ASAP3: variants seen among roughly 807,000 people sequenced by gnomAD.
ASAP3 encodes arf-GAP with SH3 domain, ANK repeat and PH domain-containing protein 3.
A neutral mutation model predicts 118.2 loss-of-function variants in ASAP3; 85 were observed. That is an observed-to-expected ratio of 0.72 (90% confidence interval 0.60 to 0.86). ASAP3 has a LOEUF of 0.86. ASAP3 is among the 40% of genes least tolerant of loss of function. The pLI, the probability that ASAP3 is intolerant of heterozygous loss-of-function variation, is 0.00. For missense variants in ASAP3, 1,026 were observed against 1,175.0 expected, an observed-to-expected ratio of 0.87 and a Z score of 1.85; for synonymous variants, 432 against 477.4, an observed-to-expected ratio of 0.90 and a Z score of 1.24.
rs769362757 is a variant in ASAP3, at chr1:23,436,563, T to A, written c.1568A>T (p.Asp523Val). The A allele has an allele frequency of 6.2e-7, 1 of 1,614,092 alleles. No homozygotes were observed. Among genetic ancestry groups the A allele is most frequent in the Non-Finnish European group, 8.5e-7 (1 of 1,179,914 alleles). ...HGGPKPSAES[D>V]MGTRRDYIMA... Reference sequence around the variant, plus strand: ...CTCTCTCTGAGAATCCCCTTACATGTCACTCTCAGCTGAGGGTTTAGGGCC... The same window carrying A: ...CTCTCTCTGAGAATCCCCTTACATGACACTCTCAGCTGAGGGTTTAGGGCC... The change falls in exon 16 of 25, where the codon GAC becomes GTC. Residue 523 changes from aspartate (D) to valine (V), a missense_variant. Asp to Val is a radical substitution (Grantham distance 152). Coordinates refer to ENST00000336689, the MANE Select transcript of ASAP3 (RefSeq NM_017707.4). This position sits in a 1 kb window ranked among gnomAD's most constrained non-coding sequence, Gnocchi z 4.2.
chr1:23,460,401 G>C (rs1641542929), intron 1 of ASAP3, among the ~76,000 whole-genome samples: 1 of 151,800 alleles, frequency 6.6e-6, no homozygotes, highest in South Asian at 2.1e-4. Context: ...CAGCTACTCG[G>C]GAGGCTAAGG....
chr1:23,442,739 C>G, intron 5 of ASAP3, 127 bp from the exon 6 acceptor site: 1 of 1,404,958 alleles, frequency 7.1e-7, no homozygotes, highest in Non-Finnish European at 9.5e-7. Flanking sequence ...TGTGGTGGGG[C>G]TGGGTACAAT....
At chr1:23,476,767 C>T (rs1640607339) in intron 1 of ASAP3, among the ~76,000 whole-genome samples, 1 of 152,188 alleles carries the variant, frequency 6.6e-6, no homozygotes, top group Non-Finnish European at 1.5e-5. Context: ...CTTTCAGGGT[C>T]ACATATATTT....
intron 1 of ASAP3, among the ~76,000 whole-genome samples, chr1:23,483,445 A>G (rs1288942006): frequency 6.6e-6 from 1 of 152,134 alleles, no homozygotes; most frequent in Admixed American, 6.5e-5. Context: ...GACAAAGAGG[A>G]GAGGGGAGGG....
At chr1:23,470,067 T>G (rs1641910913) in intron 1 of ASAP3, among the ~76,000 whole-genome samples, 1 of 152,216 alleles carries the variant, frequency 6.6e-6, no homozygotes, top group South Asian at 2.1e-4. Flanking sequence ...CCAAGAGCCC[T>G]GAACTGGAAA....
intron 22 of ASAP3, 31 bp downstream of exon 22, chr1:23,433,046 G>A: frequency 1.2e-6 from 2 of 1,612,064 alleles, no homozygotes; most frequent in Non-Finnish European, 1.7e-6. Context: ...TGAATGGCAT[G>A]GTGAGCATTT....
Position 23,433,569 on chromosome 1 carries a change from G to C in ASAP3, c.2020-37C>G, listed in dbSNP as rs1347775081. The C allele has an allele frequency of 1.9e-6, 3 of 1,614,194 alleles. No individual in the cohort carries two copies. In the Admixed American group the frequency reaches 5.0e-5, roughly 27 times the overall value. The stretch of plus-strand genomic sequence containing the variant: ...AAAGGCTTGGTGGTTCAGAGGGTTG[G>C]GGGCTCAGCAGGGAGAGAGAAAGAG... On this transcript the variant is annotated intron_variant, in intron 20 of 24. Transcript: ENST00000336689.
At chr1:23,442,442 A>G in intron 6 of ASAP3, 59 bp downstream of exon 6, 1 of 1,599,854 alleles carries the variant, frequency 6.3e-7, no homozygotes. Context: ...GGTCCCCTGG[A>G]GAGGCAGACA....
At chr1:23,469,788 G>A (rs1641901514) in intron 1 of ASAP3, among the ~76,000 whole-genome samples, 1 of 152,158 alleles carries the variant, frequency 6.6e-6, no homozygotes, top group African/African-American at 2.4e-5. Context: ...ACTGAGGCTG[G>A]GGTAGGTTAG....
chr1:23,465,491 T>C (rs1641736799), intron 1 of ASAP3, among the ~76,000 whole-genome samples: 1 of 152,086 alleles, frequency 6.6e-6, no homozygotes, highest in African/African-American at 2.4e-5. Context: ...GTAACTTTTT[T>C]TCTTTTTTTT....
intron 1 of ASAP3, among the ~76,000 whole-genome samples, chr1:23,469,834 A>C (rs1056606178): frequency 6.6e-6 from 1 of 152,212 alleles, no homozygotes; most frequent in Non-Finnish European, 1.5e-5. Flanking sequence ...AGTTCTAAGA[A>C]ACGCAGAGAC....
intron 1 of ASAP3, among the ~76,000 whole-genome samples, chr1:23,466,052 C>T (rs1405057275): frequency 6.6e-6 from 1 of 152,128 alleles, no homozygotes; most frequent in Non-Finnish European, 1.5e-5. Context: ...AATGGTGAGG[C>T]CCCGAATACA....
Position 23,439,281 on chromosome 1 carries a change from C to T in ASAP3, c.945-51G>A, listed in dbSNP as rs370409279. 42 of 1,568,510 alleles carry T rather than the reference C, an allele frequency of 2.7e-5. 1 individual carries two copies. The highest frequency in any genetic ancestry group is 1.7e-4 in the Middle Eastern group (1 of 5,996). On this transcript the variant is annotated intron_variant, in intron 10 of 24. Transcript: ENST00000336689. ...AGTGACCCAAGGCTCACACCTAGTT[C>T]GCAGGTGTCAGAGAACAGAAATTTG...
At position 23,438,934 on chromosome 1, in the gene ASAP3, G is replaced by A. The variant is rs1206502975; in HGVS notation, c.1015-100C>T. ...TCTGTTAAATGGGCATAATCATCCT[G>A]TTCCATTTGTGTTTCTCCTCACCCA... is the stretch of plus-strand genomic sequence containing the variant. On this transcript the variant is annotated intron_variant, in intron 11 of 24. Transcript: ENST00000336689. The surrounding 1 kb of genome is among the most constrained non-coding windows in gnomAD (Gnocchi z 4.9). 10 of 1,296,038 alleles carry A rather than the reference G, an allele frequency of 7.7e-6. No homozygotes were observed. Among genetic ancestry groups the A allele is most frequent in the South Asian group, 1.2e-5 (1 of 81,152 alleles). The allele number at this position is 1,296,038 out of a possible 1,614,324, so 80.3% of individuals were successfully genotyped here. A position where few individuals can be genotyped will look rare whatever the true frequency, so the allele number is the denominator to read the frequency against.
At chr1:23,469,326 T>C (rs1381583602) in intron 1 of ASAP3, among the ~76,000 whole-genome samples, 1 of 152,026 alleles carries the variant, frequency 6.6e-6, no homozygotes, top group Non-Finnish European at 1.5e-5. Context: ...ATAACAATAA[T>C]AATAAATAAA....
In ASAP3 at chr1:23,437,390, C is replaced by T. The variant is rs2148610949; in HGVS notation, c.1151+34G>A. The T allele has an allele frequency of 1.2e-6, 2 of 1,612,304 alleles. No homozygotes were observed. The highest frequency in any genetic ancestry group is 4.5e-5 in the East Asian group (2 of 44,824). On this transcript the variant is annotated intron_variant, in intron 13 of 24. Coordinates refer to ENST00000336689, the MANE Select transcript of ASAP3 (RefSeq NM_017707.4). This position sits in a 1 kb window ranked among gnomAD's most constrained non-coding sequence, Gnocchi z 6.1. ...AGATAGGGCCGCCGGCCCCCACCCA[C>T]AAGGCTGGCCGGGCTGGCCGAGGGG...
Position 23,484,136 on chromosome 1 carries a change from C to A in ASAP3, c.-3G>T, listed in dbSNP as rs1327188940. On this transcript the variant is annotated 5_prime_UTR_variant, in exon 1 of 25. Transcript: ENST00000336689. ...GCGACGCTGAACTGCTCCGGCATGG[C>A]GGGCGCGAGCGTGGAGCTGCCGGAG... 7.9e-7 allele frequency: 1 copy of A among 1,268,614 alleles called. No homozygotes were observed. 78.6% of individuals were successfully genotyped at this position (1,268,614 alleles called of 1,614,324 possible). A position where few individuals can be genotyped will look rare whatever the true frequency, so the allele number is the denominator to read the frequency against.
intron 17 of ASAP3, among the ~76,000 whole-genome samples, chr1:23,435,477 T>TA (rs1325828635): frequency 4.6e-5 from 7 of 152,368 alleles, no homozygotes; most frequent in African/African-American, 1.7e-4. Flanking sequence ...GACATGCCCT[T>TA]ATATTTCAGG....
At chr1:23,432,586 A>G (rs949125761) in intron 22 of ASAP3, among the ~76,000 whole-genome samples, 1 of 152,230 alleles carries the variant, frequency 6.6e-6, no homozygotes, top group Non-Finnish European at 1.5e-5. Context: ...CTGTTCCTTC[A>G]TTCGACAAAT....
Sources: gnomAD v4.1 joint callset for allele counts (sites outside exome capture counted in the v4.1 genomes callset) on GRCh38, gnomAD v4.1.1 for gene constraint, Gnocchi (gnomAD v3.1) non-coding constraint, MANE v1.5 for transcripts, NCBI Gene and HGNC (gene_info 2026-07-23, HGNC 2026-07-21) for gene names.